The following AK9 variants were observed in gnomAD, a reference collection of about 807,000 sequenced individuals.
AK9 encodes the protein adenylate kinase 9.
Under a neutral mutation model 239.6 loss-of-function variants are expected in AK9, and 191 were observed. The ratio of observed to expected loss-of-function variants is 0.80; its 90% CI spans 0.71 to 0.90. The LOEUF is 0.90. Ranked by LOEUF, AK9 falls within the 40% of genes least tolerant of loss-of-function variation. The pLI is 0.00. For missense variants in AK9, 1,995 were observed against 2,214.7 expected (o/e 0.90, Z 1.99); for synonymous variants, 689 against 721.0 (o/e 0.96, Z 0.71).
chr6:109,606,683 A>C (rs954242151), intron 17 of AK9, among the ~76,000 whole-genome samples: 2 of 152,314 alleles, frequency 1.3e-5, no homozygotes, highest in African/African-American at 4.8e-5. Context: ...TCACTCAACA[A>C]AACTGCTCAG....
chr6:109,592,627 T>C (rs879475670), intron 17 of AK9, among the ~76,000 whole-genome samples: 3 of 152,022 alleles, frequency 2.0e-5, no homozygotes, highest in Admixed American at 6.6e-5. Flanking sequence ...TTTGTATTTT[T>C]AGTAGAGACG....
intron 24 of AK9, among the ~76,000 whole-genome samples, chr6:109,562,188 G>A (rs1785860182): frequency 6.6e-6 from 1 of 152,180 alleles, no homozygotes; most frequent in Non-Finnish European, 1.5e-5. Flanking sequence ...TTGTCCCACA[G>A]ATCACTGATG....
chr6:109,688,086 C>G (rs74409518), intron 1 of AK9, among the ~76,000 whole-genome samples: 3,150 of 152,246 alleles, frequency 0.021, 82 homozygotes, highest in East Asian at 0.11. Context: ...TTTCACCAGG[C>G]TGGTTTAGCT....
intron 24 of AK9, among the ~76,000 whole-genome samples, chr6:109,562,891 T>G (rs1785962414): frequency 6.6e-6 from 1 of 152,136 alleles, no homozygotes; most frequent in South Asian, 2.1e-4. Flanking sequence ...ACAGCAGACA[T>G]GGCAGAGGAT....
chr6:109,636,324 G>A (rs77841791), intron 10 of AK9, among the ~76,000 whole-genome samples: 2 of 151,990 alleles, frequency 1.3e-5, no homozygotes, highest in African/African-American at 2.4e-5. Flanking sequence ...TAAACCAGTG[G>A]TTCTCTTCCT....
chr6:109,602,568 C>T (rs1193754108), intron 17 of AK9, among the ~76,000 whole-genome samples: 1 of 152,072 alleles, frequency 6.6e-6, no homozygotes, highest in Non-Finnish European at 1.5e-5. Flanking sequence ...TTGCTCTTCT[C>T]GAGGAGTATC....
chr6:109,675,532 T>C (rs1771583055), intron 2 of AK9, 97 bp downstream of exon 2: 1 of 766,570 alleles, frequency 1.3e-6, no homozygotes, highest in Non-Finnish European at 2.0e-6. Context: ...ACTCAAAAAA[T>C]GAGCACAATA....
At chr6:109,599,159 C>T (rs1344559521) in intron 17 of AK9, among the ~76,000 whole-genome samples, 1 of 151,978 alleles carries the variant, frequency 6.6e-6, no homozygotes, top group Non-Finnish European at 1.5e-5. Context: ...TATTCCTATG[C>T]CCTGAATGGT....
intron 15 of AK9, among the ~76,000 whole-genome samples, chr6:109,612,406 G>C (rs1364089831): frequency 6.6e-6 from 1 of 152,006 alleles, no homozygotes; most frequent in Non-Finnish European, 1.5e-5. Context: ...TTACCTCAGA[G>C]ACACAGGGCA....
At chr6:109,619,301 C>CATCTATCTATGTAT in intron 12 of AK9, 65 bp from the exon 13 acceptor site, 1 of 1,443,886 alleles carries the variant, frequency 6.9e-7, no homozygotes, top group East Asian at 2.6e-5. Flanking sequence ...ACACATTGTT[C>CATCTATCTATGTAT]ATCTATCTAT....
chr6:109,528,293 A>G (rs1321142629), intron 29 of AK9: 2 of 353,872 alleles, frequency 5.7e-6, no homozygotes, highest in Non-Finnish European at 1.1e-5. Context: ...CCTTAAACAG[A>G]GCAAACTTTC....
chr6:109,605,487 C>T (rs59203807), intron 17 of AK9, among the ~76,000 whole-genome samples: 4,381 of 151,948 alleles, frequency 0.029, 100 homozygotes, highest in East Asian at 0.11. Context: ...TCTCCAGGCT[C>T]CTTTTTTGGA....
chr6:109,564,354 C>A, intron 22 of AK9, 74 bp from the exon 23 acceptor site: 1 of 1,230,252 alleles, frequency 8.1e-7, no homozygotes, highest in Non-Finnish European at 1.1e-6. Flanking sequence ...GCCAAAATAG[C>A]TTATACTTTG....
intron 35 of AK9, among the ~76,000 whole-genome samples, chr6:109,502,064 G>A (rs549676481): frequency 6.6e-6 from 1 of 152,192 alleles, no homozygotes; most frequent in South Asian, 2.1e-4. Flanking sequence ...AAGCCACAGG[G>A]TGGGCTGATC....
In AK9 at chr6:109,506,450, G is replaced by A. The variant is rs1778128274; in HGVS notation, c.4726C>T (p.Gln1576Ter). The A allele has an allele frequency of 6.2e-7, 1 of 1,613,660 alleles. No individual in the cohort carries two copies. The highest frequency in any genetic ancestry group is 8.5e-7 in the Non-Finnish European group (1 of 1,179,896). The change falls in exon 35 of 41, where the codon CAG (glutamine) becomes TAG (stop). Residue 1576 changes from glutamine to a stop codon, truncating the protein, a stop_gained. Coordinates refer to ENST00000424296, the MANE Select transcript of AK9 (RefSeq NM_001145128.3). LOFTEE classifies it high-confidence loss of function. ...IGEIRQYYQEQHQNWYVIDGF... is the reference protein window; with the variant it reads ...IGEIRQYYQE The stretch of plus-strand genomic sequence containing the variant: ...TCAATCACATACCAGTTCTGATGCT[G>A]TTCTTGATAATATTGCCTAATCTCA...
intron 24 of AK9, among the ~76,000 whole-genome samples, chr6:109,556,185 G>C (rs1784993237): frequency 6.6e-6 from 1 of 152,170 alleles, no homozygotes; most frequent in Non-Finnish European, 1.5e-5. Context: ...GCTTCTTTCA[G>C]GAGCTCTTGC....
chr6:109,644,468 C>G, intron 9 of AK9, 146 bp downstream of exon 9: 1 of 590,186 alleles, frequency 1.7e-6, no homozygotes, highest in African/African-American at 1.9e-5. Flanking sequence ...AACAGAACAT[C>G]AAAATTTTAA....
At chr6:109,684,086 A>G (rs1356529198) in intron 1 of AK9, among the ~76,000 whole-genome samples, 1 of 152,264 alleles carries the variant, frequency 6.6e-6, no homozygotes, top group African/African-American at 2.4e-5. Context: ...GGCCTCAGAA[A>G]TAACACCACA....
chr6:109,679,569 A>T (rs1055124220), intron 1 of AK9, among the ~76,000 whole-genome samples: 3 of 152,108 alleles, frequency 2.0e-5, no homozygotes, highest in Non-Finnish European at 4.4e-5. Flanking sequence ...CTCTGAAGAG[A>T]GCAGGGGATC....
Sources: allele counts gnomAD v4.1 joint callset (sites outside exome capture counted in the v4.1 genomes callset), GRCh38; gene constraint gnomAD v4.1.1; transcripts MANE v1.5; gene names NCBI Gene and HGNC (gene_info 2026-07-23, HGNC 2026-07-21).